Variants in IQCB1 observed in about 807,000 individuals in gnomAD.
IQCB1 encodes the protein IQ calmodulin-binding motif-containing protein 1.
A neutral mutation model predicts 84.4 loss-of-function variants in IQCB1; 56 were observed. That is an observed-to-expected ratio of 0.66 (90% CI 0.54 to 0.83). IQCB1 has a LOEUF of 0.83. IQCB1 is among the 40% of genes least tolerant of loss of function. IQCB1 has a pLI of 0.00. For missense variants in IQCB1, 629 were observed against 682.1 expected (o/e 0.92, Z 0.87); for synonymous variants, 210 against 234.8 (o/e 0.89, Z 0.96).
chr3:121,786,952 A>C (rs1207873550), intron 12 of IQCB1, among the ~76,000 whole-genome samples: 2 of 152,232 alleles, frequency 1.3e-5, no homozygotes, highest in African/African-American at 4.8e-5. Context: ...AGTATTAGAA[A>C]GAAGCCAAAG....
chr3:121,821,933 A>G (rs1950290025), intron 5 of IQCB1, among the ~76,000 whole-genome samples: 1 of 152,222 alleles, frequency 6.6e-6, no homozygotes, highest in Non-Finnish European at 1.5e-5. Context: ...GCTTTCCTTA[A>G]TGTGGGTGGG....
chr3:121,796,329 C>CT (rs1340706694), intron 9 of IQCB1, among the ~76,000 whole-genome samples: 2 of 151,836 alleles, frequency 1.3e-5, no homozygotes, highest in African/African-American at 4.8e-5. Flanking sequence ...AATTTATTGT[C>CT]TTTTTGGTTT....
In IQCB1 at chr3:121,789,903, A is replaced by C. The variant is rs570097280; in HGVS notation, c.1129+170T>G. On this transcript the variant is annotated intron_variant, in intron 11 of 14. Transcript: ENST00000310864. ...GTCAACTAATAGGTCTGAATTGAAAAAACAGTAACCGTTTTTGAACTCAGA... is the reference window on the plus strand; with the variant it reads ...GTCAACTAATAGGTCTGAATTGAAACAACAGTAACCGTTTTTGAACTCAGA... 1.1e-3 allele frequency among the ~76,000 whole-genome samples: 165 copies of C among 152,232 alleles called. 1 individual carries two copies. Among genetic ancestry groups the C allele is most frequent in the Non-Finnish European group, 1.9e-3 (129 of 68,042 alleles).
chr3:121,795,644 C>T, intron 9 of IQCB1, 78 bp from the exon 10 acceptor site: 1 of 796,932 alleles, frequency 1.3e-6, no homozygotes, highest in Non-Finnish European at 2.2e-6. Flanking sequence ...CTTAAAGTAT[C>T]AGGTTAGGGC....
At chr3:121,774,206 G>A (rs2108510194) in intron 13 of IQCB1, among the ~76,000 whole-genome samples, 1 of 152,250 alleles carries the variant, frequency 6.6e-6, no homozygotes, top group South Asian at 2.1e-4. Flanking sequence ...AATTAGGAAA[G>A]TGCAAGTTCA....
chr3:121,818,774 A>G (rs1950169340), intron 5 of IQCB1, among the ~76,000 whole-genome samples: 1 of 152,200 alleles, frequency 6.6e-6, no homozygotes, highest in Non-Finnish European at 1.5e-5. Context: ...AAGAACCAGA[A>G]AGGCACCTAG....
intron 5 of IQCB1, among the ~76,000 whole-genome samples, chr3:121,825,169 T>C (rs1950421204): frequency 6.6e-6 from 1 of 151,362 alleles, no homozygotes; most frequent in Non-Finnish European, 1.5e-5. Context: ...CAAGTGATCC[T>C]CCTGCCTCAG....
chr3:121,805,184 T>A (rs547405284), intron 7 of IQCB1, among the ~76,000 whole-genome samples: 34 of 152,300 alleles, frequency 2.2e-4, no homozygotes, highest in African/African-American at 7.9e-4. Flanking sequence ...TTTATTTGCA[T>A]GCCCAGTACT....
chr3:121,788,842 A>G (rs896113519), intron 11 of IQCB1, among the ~76,000 whole-genome samples: 1 of 152,188 alleles, frequency 6.6e-6, no homozygotes, highest in Non-Finnish European at 1.5e-5. Context: ...AGTTATACAG[A>G]TGACTTTCTT....
At chr3:121,797,920 T>C (rs911205821) in intron 8 of IQCB1, among the ~76,000 whole-genome samples, 1 of 151,968 alleles carries the variant, frequency 6.6e-6, no homozygotes, top group African/African-American at 2.4e-5. Context: ...TAGTGTATAA[T>C]TGGGGAAACC....
chr3:121,824,344 A>G (rs1178766233), intron 5 of IQCB1, among the ~76,000 whole-genome samples: 1 of 152,216 alleles, frequency 6.6e-6, no homozygotes, highest in Non-Finnish European at 1.5e-5. Context: ...GAAGGACACT[A>G]TGAGACTTCA....
At chr3:121,790,764 A>C (rs1435367579) in intron 10 of IQCB1, among the ~76,000 whole-genome samples, 1 of 148,138 alleles carries the variant, frequency 6.8e-6, no homozygotes, top group Non-Finnish European at 1.5e-5. Flanking sequence ...ATTGTGTCAA[A>C]AAACTTACAT....
intron 5 of IQCB1, among the ~76,000 whole-genome samples, chr3:121,819,651 A>G (rs756142610): frequency 2.0e-5 from 3 of 152,138 alleles, no homozygotes; most frequent in Non-Finnish European, 4.4e-5. Context: ...ATGCTTTTTC[A>G]ACTTTATTAG....
At position 121,770,302 on chromosome 3, in the gene IQCB1, T is replaced by C; in HGVS notation, c.*43A>G. ...CATGCCAGAGGCAGAACCAATATAA[T>C]CTCCTAAAATATGAGATTTGTGTCA... On this transcript the variant is annotated 3_prime_UTR_variant, in exon 15 of 15. Coordinates refer to ENST00000310864, the MANE Select transcript of IQCB1 (RefSeq NM_001023570.4). 1 of 1,339,130 alleles carries C rather than the reference T, an allele frequency of 7.5e-7. No homozygotes were observed. Among genetic ancestry groups the C allele is most frequent in the East Asian group, 2.3e-5 (1 of 43,626 alleles). The allele number at this position is 1,339,130 out of a possible 1,614,324, so 83.0% of individuals were successfully genotyped here.
chr3:121,809,163 T>C (rs532500446), intron 5 of IQCB1, among the ~76,000 whole-genome samples, 154 bp from the exon 6 acceptor site: 1 of 151,980 alleles, frequency 6.6e-6, no homozygotes, highest in African/African-American at 2.4e-5. Flanking sequence ...TTTAGTTTCT[T>C]AATTTGTAAA....
chr3:121,815,384 C>G (rs779785419), intron 5 of IQCB1, among the ~76,000 whole-genome samples: 3 of 152,170 alleles, frequency 2.0e-5, no homozygotes, highest in African/African-American at 7.2e-5. Context: ...CACCCCTATT[C>G]AACATAGTAT....
At chr3:121,778,477 G>T (rs1358745426) in intron 13 of IQCB1, among the ~76,000 whole-genome samples, 1 of 151,788 alleles carries the variant, frequency 6.6e-6, no homozygotes, top group Non-Finnish European at 1.5e-5. Flanking sequence ...TAACATTTTT[G>T]GTAGTGCAAG....
chr3:121,816,023 T>C (rs1232308996), intron 5 of IQCB1, among the ~76,000 whole-genome samples: 2 of 148,264 alleles, frequency 1.3e-5, no homozygotes, highest in East Asian at 2.0e-4. Flanking sequence ...CTTCAAACTA[T>C]ACAAGGCTAC....
intron 11 of IQCB1, 25 bp downstream of exon 11, chr3:121,790,048 T>C (rs1462330236): frequency 6.3e-7 from 1 of 1,598,216 alleles, no homozygotes; most frequent in Non-Finnish European, 8.6e-7. Context: ...ATTCTTATAT[T>C]GATAAAGTTG....
Sources: gnomAD v4.1 joint callset for allele counts (sites outside exome capture counted in the v4.1 genomes callset) on GRCh38, gnomAD v4.1.1 for gene constraint, MANE v1.5 for transcripts, NCBI Gene and HGNC (gene_info 2026-07-23, HGNC 2026-07-21) for gene names.